Variants in CERS6 observed in about 807,000 individuals in gnomAD.
CERS6 encodes the protein LAG1 homolog, ceramide synthase 6.
CERS6 carries 26 observed loss-of-function variants against 56.8 expected under a neutral mutation model. That is an observed-to-expected ratio of 0.46 (90% CI 0.34 to 0.63). The LOEUF is 0.63. Ranked by LOEUF, CERS6 falls within the 30% of genes least tolerant of loss-of-function variation. The pLI is 0.01. For synonymous variants in CERS6, 164 were observed against 173.3 expected (o/e 0.95, Z 0.42); for missense variants, 415 against 467.5 (o/e 0.89, Z 1.04).
At chr2:168,631,076 A>ATGTAAGTG in intron 4 of CERS6, 34 bp downstream of exon 4, 2 of 1,071,326 alleles carry the variant, frequency 1.9e-6, no homozygotes, top group South Asian at 3.0e-5. Flanking sequence ...CATGATTCTT[A>ATGTAAGTG]TGTAAGTGTA....
At chr2:168,754,792 T>C (rs1684370805) in intron 8 of CERS6, among the ~76,000 whole-genome samples, 1 of 152,196 alleles carries the variant, frequency 6.6e-6, no homozygotes, top group Non-Finnish European at 1.5e-5. Flanking sequence ...AGGCCTTTGC[T>C]CTGTTGCCCA....
intron 4 of CERS6, among the ~76,000 whole-genome samples, chr2:168,643,718 G>A (rs1196524087): frequency 6.6e-6 from 1 of 152,110 alleles, no homozygotes; most frequent in East Asian, 1.9e-4. Context: ...TTGGCTCATG[G>A]CAGCTTCTTC....
At chr2:168,735,880 C>CAAA (rs145418479) in intron 8 of CERS6, among the ~76,000 whole-genome samples, 73,681 of 106,126 alleles carry the variant, frequency 0.69, 26,117 homozygotes, top group East Asian at 0.94. Context: ...GACCCTGTCT[C>CAAA]AAAAAAAAAA....
intron 4 of CERS6, among the ~76,000 whole-genome samples, chr2:168,683,912 A>G (rs1486692729): frequency 6.6e-6 from 1 of 152,120 alleles, no homozygotes; most frequent in Non-Finnish European, 1.5e-5. Flanking sequence ...GTTGAGAACT[A>G]TTGGCTGAAA....
At position 168,722,811 on chromosome 2, in the gene CERS6, T is replaced by C. The variant is rs1389169630; in HGVS notation, c.845+4833T>C. Among the ~76,000 whole-genome samples, 4 of 152,192 alleles carry C rather than the reference T, an allele frequency of 2.6e-5. No individual in the cohort carries two copies. In the East Asian group the frequency reaches 5.8e-4, roughly 22 times the overall value. ...TATCCAAGGGAGTGTTGATTATTTC[T>C]GTCCAGAGGACATCTGGGATGCAAC... On this transcript the variant is annotated intron_variant, in intron 8 of 9. Coordinates refer to ENST00000305747, the MANE Select transcript of CERS6 (RefSeq NM_203463.3).
At chr2:168,569,963 C>T (rs561949965) in intron 3 of CERS6, among the ~76,000 whole-genome samples, 1 of 152,098 alleles carries the variant, frequency 6.6e-6, no homozygotes, top group Non-Finnish European at 1.5e-5. Context: ...TGAAGGTTGT[C>T]GGTTTCTGTT....
At chr2:168,523,247 T>C (rs780299408) in intron 1 of CERS6, among the ~76,000 whole-genome samples, 3 of 152,180 alleles carry the variant, frequency 2.0e-5, no homozygotes, top group Non-Finnish European at 4.4e-5. Context: ...CATTATCTTT[T>C]ACCGCAAGGA....
rs372474990 is a variant in CERS6 at position 168,522,066 on chromosome 2, C to T, written c.171-25530C>T. ...GAGAACACAGTGGGAAAATTTATTGCGCAAATGATATATTTTTGTGACTTT... is the reference window on the plus strand; with the variant it reads ...GAGAACACAGTGGGAAAATTTATTGTGCAAATGATATATTTTTGTGACTTT... On this transcript the variant is annotated intron_variant, in intron 1 of 9. Transcript: ENST00000305747. Among the ~76,000 whole-genome samples the T allele has an allele frequency of 5.5e-4, 83 of 152,152 alleles. 1 individual carries two copies. In the South Asian group the frequency reaches 0.016, roughly 29 times the overall value.
At chr2:168,605,008 C>T (rs1684020195) in intron 3 of CERS6, among the ~76,000 whole-genome samples, 1 of 152,120 alleles carries the variant, frequency 6.6e-6, no homozygotes, top group Non-Finnish European at 1.5e-5. Context: ...AAGAAGCCCT[C>T]CAGACTGTTC....
At chr2:168,497,940 G>T (rs190569862) in intron 1 of CERS6, among the ~76,000 whole-genome samples, 3 of 152,246 alleles carry the variant, frequency 2.0e-5, no homozygotes, top group Admixed American at 6.5e-5. Flanking sequence ...CAGTTAGGGA[G>T]ACCCTTACTA....
chr2:168,692,440 G>A (rs942840146), intron 5 of CERS6, among the ~76,000 whole-genome samples: 16 of 152,128 alleles, frequency 1.1e-4, no homozygotes, highest in Non-Finnish European at 1.5e-5. Context: ...GTTCATGGCT[G>A]GAGCTGAGAA....
rs867874756 is a variant in CERS6 at position 168,577,327 on chromosome 2, A to G, written c.407+16005A>G. Among the ~76,000 whole-genome samples, 5 of 152,344 alleles carry G rather than the reference A, an allele frequency of 3.3e-5. No homozygotes were observed. In the South Asian group the frequency reaches 1.0e-3, roughly 32 times the overall value. On this transcript the variant is annotated intron_variant, in intron 3 of 9. Transcript: ENST00000305747. ...CACTACTCACAGTCCATGTAGCAAC[A>G]TGCAAGTCATTCGGTGTCTGCCAAG...
Position 168,745,493 on chromosome 2 carries a change from G to A in CERS6, c.846-20099G>A, listed in dbSNP as rs964207916. 5.3e-5 allele frequency among the ~76,000 whole-genome samples: 8 copies of A among 152,144 alleles called. No individual in the cohort carries two copies. In the East Asian group the frequency reaches 1.2e-3, roughly 22 times the overall value. Reference sequence around the variant, plus strand: ...CCTGACCTTGTGATCCGCCCATCTCGGCCTCCCTAAGTGCTGGGATTACAG... The same window carrying A: ...CCTGACCTTGTGATCCGCCCATCTCAGCCTCCCTAAGTGCTGGGATTACAG... On this transcript the variant is annotated intron_variant, in intron 8 of 9. Transcript: ENST00000305747.
intron 4 of CERS6, among the ~76,000 whole-genome samples, chr2:168,633,172 T>C (rs1200340499): frequency 6.6e-6 from 1 of 151,272 alleles, no homozygotes; most frequent in Non-Finnish European, 1.5e-5. Context: ...CTTTTTTTTT[T>C]TAATAAAAAA....
At chr2:168,605,422 A>C (rs1042404460) in intron 3 of CERS6, among the ~76,000 whole-genome samples, 4 of 152,232 alleles carry the variant, frequency 2.6e-5, no homozygotes, top group African/African-American at 4.8e-5. Context: ...AGGGAAGCAG[A>C]GCATAAGAGT....
chr2:168,675,292 T>G (rs114789404), intron 4 of CERS6, among the ~76,000 whole-genome samples: 12,162 of 151,216 alleles, frequency 0.08, 708 homozygotes, highest in African/African-American at 0.17. Context: ...TATTTAAAAA[T>G]AACAACAATA....
intron 8 of CERS6, among the ~76,000 whole-genome samples, chr2:168,737,198 A>C (rs1413769624): frequency 6.6e-6 from 1 of 152,196 alleles, no homozygotes; most frequent in Non-Finnish European, 1.5e-5. Flanking sequence ...AGCTGTACTC[A>C]CTACAGTTGT....
chr2:168,485,814 A>G (rs980198431), intron 1 of CERS6, among the ~76,000 whole-genome samples: 1 of 152,204 alleles, frequency 6.6e-6, no homozygotes, highest in Non-Finnish European at 1.5e-5. Context: ...GTTTGTGTGT[A>G]GGTTTTTGTG....
intron 4 of CERS6, among the ~76,000 whole-genome samples, chr2:168,637,256 T>TC (rs1157592930): frequency 3.9e-5 from 6 of 152,110 alleles, no homozygotes; most frequent in Non-Finnish European, 1.5e-5. Flanking sequence ...AGCGCGTGGA[T>TC]CACGAGGTCA....
Sources: allele counts gnomAD v4.1 joint callset (sites outside exome capture counted in the v4.1 genomes callset), GRCh38; gene constraint gnomAD v4.1.1; transcripts MANE v1.5; gene names NCBI Gene and HGNC (gene_info 2026-07-23, HGNC 2026-07-21).